CEP78: variants seen among roughly 807,000 people sequenced by gnomAD.
The protein encoded by CEP78 is centrosomal protein of 78 kDa.
Under a neutral mutation model 81.2 loss-of-function variants are expected in CEP78, and 76 were observed. That is an observed-to-expected ratio of 0.94 (90% CI 0.78 to 1.13). CEP78 has a LOEUF of 1.13. Among genes scored for constraint, CEP78 ranks in the 50% most tolerant of loss-of-function variants. The probability of loss-of-function intolerance (pLI) is 0.00; values close to 1 mark genes in which losing one functional copy is unlikely to be tolerated. For synonymous variants in CEP78, 293 were observed against 301.4 expected, an observed-to-expected ratio of 0.97 and a Z score of 0.29; for missense variants, 918 against 846.8, an observed-to-expected ratio of 1.08 and a Z score of -1.04.
At chr9:78,243,000 A>C (rs1826304956) in intron 4 of CEP78, among the ~76,000 whole-genome samples, 1 of 152,180 alleles carries the variant, frequency 6.6e-6, no homozygotes, top group Non-Finnish European at 1.5e-5. Flanking sequence ...AATATACATA[A>C]AATATGTATA....
At chr9:78,240,533 T>C (rs1826177476) in intron 3 of CEP78, among the ~76,000 whole-genome samples, 169 bp downstream of exon 3, 1 of 152,268 alleles carries the variant, frequency 6.6e-6, no homozygotes, top group South Asian at 2.1e-4. Flanking sequence ...CTGAATGTAA[T>C]CTGAACTAAC....
At chr9:78,263,501 GT>G (rs1405405315) in intron 12 of CEP78, among the ~76,000 whole-genome samples, 1 of 152,134 alleles carries the variant, frequency 6.6e-6, no homozygotes, top group Non-Finnish European at 1.5e-5. Flanking sequence ...TACAAAGCAA[GT>G]TTAAGGAGGA....
At chr9:78,244,740 A>T (rs1826400575) in intron 5 of CEP78, among the ~76,000 whole-genome samples, 1 of 152,168 alleles carries the variant, frequency 6.6e-6, no homozygotes, top group African/African-American at 2.4e-5. Context: ...GGGTTCCATT[A>T]TGTTAATATG....
rs1255656858 is a variant in CEP78, at chr9:78,272,583, A to G, written c.*1732A>G. The G allele has an allele frequency of 6.6e-6, 1 of 152,232 alleles. No homozygotes were observed. Among genetic ancestry groups the G allele is most frequent in the Non-Finnish European group, 1.5e-5 (1 of 68,040 alleles). 9.4% of individuals were successfully genotyped at this position (152,232 alleles called of 1,614,324 possible). A position where few individuals can be genotyped will look rare whatever the true frequency, so the allele number is the denominator to read the frequency against. On this transcript the variant is annotated 3_prime_UTR_variant, in exon 17 of 17. Transcript: ENST00000643273. ...ATATTGTCTTATTCATGGGAAGGAT[A>G]CAGGTAGTGTTTGATTCTAGGTATT...
chr9:78,255,431 A>G (rs1369924689), intron 11 of CEP78, among the ~76,000 whole-genome samples: 1 of 152,166 alleles, frequency 6.6e-6, no homozygotes, highest in Admixed American at 6.5e-5. Context: ...ACTTACATGT[A>G]GCTTATAAAC....
At position 78,279,165 on chromosome 9, in the gene CEP78, T is replaced by G. The variant is rs1827859194; in HGVS notation, c.*8314T>G. The stretch of plus-strand genomic sequence containing the variant: ...CTTGTTCCAGAGAGACCAGTGAAGA[T>G]TAGTTGGTTTATTTAATGTGTTAGA... On this transcript the variant is annotated 3_prime_UTR_variant, in exon 17 of 17. Coordinates refer to ENST00000643273, the MANE Select transcript of CEP78 (RefSeq NM_001330691.3). The G allele has an allele frequency of 6.6e-6, 1 of 151,930 alleles. No individual in the cohort carries two copies. Among genetic ancestry groups the G allele is most frequent in the African/African-American group, 2.4e-5 (1 of 41,344 alleles). 9.4% of individuals were successfully genotyped at this position (151,930 alleles called of 1,614,324 possible).
At position 78,270,836 on chromosome 9, in the gene CEP78, T is replaced by A; in HGVS notation, c.2108-5T>A. Reference sequence around the variant, plus strand: ...ATGACTGAACACATTCTTTTATGCTTCTAGAATCCCATTGAAATGACTGGA... The same window carrying A: ...ATGACTGAACACATTCTTTTATGCTACTAGAATCCCATTGAAATGACTGGA... On this transcript the variant is annotated splice_region_variant and splice_polypyrimidine_tract_variant and intron_variant, in intron 16 of 16. Transcript: ENST00000643273. The A allele has an allele frequency of 1.4e-6, 1 of 694,098 alleles. No individual in the cohort carries two copies. The highest frequency in any genetic ancestry group is 2.2e-5 in the Admixed American group (1 of 45,522). 43.0% of individuals were successfully genotyped at this position (694,098 alleles called of 1,614,324 possible).
At chr9:78,248,188 A>G (rs1216261830) in intron 6 of CEP78, 103 bp from the exon 7 acceptor site, 9 of 694,562 alleles carry the variant, frequency 1.3e-5, no homozygotes, top group East Asian at 5.5e-5. Flanking sequence ...TTCATATTCA[A>G]TTTCATGGGA....
At chr9:78,237,649 C>T (rs1356721900) in intron 1 of CEP78, among the ~76,000 whole-genome samples, 1 of 152,098 alleles carries the variant, frequency 6.6e-6, no homozygotes, top group Admixed American at 6.5e-5. Flanking sequence ...CTCGTTTGTC[C>T]TGTCATAGAG....
At position 78,273,576 on chromosome 9, in the gene CEP78, A is replaced by C. The variant is rs1827741123; in HGVS notation, c.*2725A>C. ...TGGCAAAACTCCGTCTCTACTAAAAATACAAAAAAAAAAAAAAAAAATTAG... is the reference window on the plus strand; with the variant it reads ...TGGCAAAACTCCGTCTCTACTAAAACTACAAAAAAAAAAAAAAAAAATTAG... On this transcript the variant is annotated 3_prime_UTR_variant, in exon 17 of 17. Transcript: ENST00000643273. The C allele has an allele frequency of 2.2e-5, 3 of 138,676 alleles. No individual in the cohort carries two copies. In the Middle Eastern group the frequency reaches 0.011, roughly 529 times the overall value. 8.6% of individuals were successfully genotyped at this position (138,676 alleles called of 1,614,324 possible). A position where few individuals can be genotyped will look rare whatever the true frequency, so the allele number is the denominator to read the frequency against.
In CEP78 at chr9:78,248,781, C is replaced by T. The variant is rs1826619175; in HGVS notation, c.977C>T (p.Pro326Leu). ...AKSEYQWITSPSVKEPSKTAK... is the reference protein window; with the variant it reads ...AKSEYQWITSLSVKEPSKTAK... ...TTTTAGTACCAGTGGATAACTTCTC[C>T]ATCAGTGAAGGAACCATCCAAAACT... is the stretch of plus-strand genomic sequence containing the variant. The change falls in exon 8 of 17, where the codon CCA (proline) becomes CTA (leucine). Residue 326 changes from proline (P) to leucine (L), a missense_variant. Transcript: ENST00000643273. The T allele has an allele frequency of 1.3e-6, 2 of 1,581,254 alleles. No individual in the cohort carries two copies. The highest frequency in any genetic ancestry group is 1.7e-6 in the Non-Finnish European group (2 of 1,160,658).
In CEP78 at chr9:78,266,514, G is replaced by C. The variant is rs1045957286; in HGVS notation, c.1918G>C (p.Glu640Gln). ...CTTTCCTGTCCCAGTTTCTACTCCAGAGGGCTTAGGAACTTCCAGCAACAA... is the reference window on the plus strand; with the variant it reads ...CTTTCCTGTCCCAGTTTCTACTCCACAGGGCTTAGGAACTTCCAGCAACAA... ...DSFPVPVSTP[E>Q]GLGTSSNNLG... The change falls in exon 16 of 17, where the codon GAG becomes CAG. Residue 640 changes from glutamate (E) to glutamine (Q), a missense_variant. Coordinates refer to ENST00000643273, the MANE Select transcript of CEP78 (RefSeq NM_001330691.3). 1.9e-6 allele frequency: 3 copies of C among 1,613,708 alleles called. No homozygotes were observed. The highest frequency in any genetic ancestry group is 1.3e-5 in the African/African-American group (1 of 75,002).
chr9:78,269,482 T>C (rs926210246), intron 16 of CEP78, among the ~76,000 whole-genome samples: 1 of 152,110 alleles, frequency 6.6e-6, no homozygotes, highest in African/African-American at 2.4e-5. Flanking sequence ...AATCATAAAG[T>C]TGATGAGAAC....
At chr9:78,248,022 C>CT (rs1826578148) in intron 6 of CEP78, among the ~76,000 whole-genome samples, 1 of 152,140 alleles carries the variant, frequency 6.6e-6, no homozygotes, top group African/African-American at 2.4e-5. Flanking sequence ...TTAGAGGTAT[C>CT]TAAAGCTACT....
At chr9:78,241,908 C>G (rs1826252214) in intron 4 of CEP78, 109 bp downstream of exon 4, 1 of 574,006 alleles carries the variant, frequency 1.7e-6, no homozygotes, top group African/African-American at 1.9e-5. Context: ...ATGGGCATTG[C>G]AGTTTTAGTT....
chr9:78,248,128 A>G (rs1257149048), intron 6 of CEP78, among the ~76,000 whole-genome samples, 163 bp from the exon 7 acceptor site: 1 of 152,218 alleles, frequency 6.6e-6, no homozygotes, highest in African/African-American at 2.4e-5. Flanking sequence ...TTTGAGGAAG[A>G]AGTTAGAATA....
At chr9:78,270,588 T>C (rs538864322) in intron 16 of CEP78, among the ~76,000 whole-genome samples, 383 of 152,326 alleles carry the variant, frequency 2.5e-3, no homozygotes, top group African/African-American at 9.0e-3. Context: ...CTTGTCATCC[T>C]GTCTTAAATT....
At position 78,275,769 on chromosome 9, in the gene CEP78, A is replaced by ATT. The variant is rs1827790595; in HGVS notation, c.*4918_*4919insTT. 6.6e-6 allele frequency: 1 copy of ATT among 152,168 alleles called. No individual in the cohort carries two copies. Among genetic ancestry groups the ATT allele is most frequent in the South Asian group, 2.1e-4 (1 of 4,762 alleles). The allele number at this position is 152,168 out of a possible 1,614,324, so 9.4% of individuals were successfully genotyped here. A position where few individuals can be genotyped will look rare whatever the true frequency, so the allele number is the denominator to read the frequency against. The stretch of plus-strand genomic sequence containing the variant: ...AGACCTCATCTCTACAAAAATTAAA[A>ATT]AACAAAACAAAACAAAAAAACCCAA... On this transcript the variant is annotated 3_prime_UTR_variant, in exon 17 of 17. Coordinates refer to ENST00000643273, the MANE Select transcript of CEP78 (RefSeq NM_001330691.3).
intron 11 of CEP78, among the ~76,000 whole-genome samples, chr9:78,259,184 A>T (rs1468230130): frequency 1.3e-5 from 2 of 152,264 alleles, no homozygotes; most frequent in Non-Finnish European, 2.9e-5. Context: ...GATGAATTGT[A>T]AGAACAATGT....
Sources: gnomAD v4.1 joint callset for allele counts (sites outside exome capture counted in the v4.1 genomes callset) on GRCh38, gnomAD v4.1.1 for gene constraint, MANE v1.5 for transcripts, NCBI Gene and HGNC (gene_info 2026-07-23, HGNC 2026-07-21) for gene names.